ALG11: variants seen among roughly 807,000 people sequenced by gnomAD.
ALG11 encodes the protein GDP-Man:Man(3)GlcNAc(2)-PP-Dol alpha-1,2-mannosyltransferase.
A neutral mutation model predicts 38.8 loss-of-function variants in ALG11; 26 were observed. The ratio of observed to expected loss-of-function variants is 0.67; its 90% CI spans 0.49 to 0.93. The LOEUF (loss-of-function observed/expected upper bound fraction) is 0.93, where lower values mean the gene tolerates loss of function less well. ALG11 is among the 40% of genes least tolerant of loss of function. The probability of loss-of-function intolerance (pLI) is 0.00; values close to 1 mark genes in which losing one functional copy is unlikely to be tolerated. For missense variants in ALG11, 535 were observed against 578.8 expected, an observed-to-expected ratio of 0.92 and a Z score of 0.78; for synonymous variants, 199 against 211.6, an observed-to-expected ratio of 0.94 and a Z score of 0.52.
chr13:52,027,185 T>G (rs905244902), intron 3 of ALG11, among the ~76,000 whole-genome samples: 3 of 152,010 alleles, frequency 2.0e-5, no homozygotes, highest in African/African-American at 7.3e-5. Flanking sequence ...AGTCAAGCAC[T>G]CAGAAGTGAA....
At chr13:52,019,239 T>TG (rs1491225887) in intron 2 of ALG11, 96 bp downstream of exon 2, 33 of 997,646 alleles carry the variant, frequency 3.3e-5, no homozygotes, top group African/African-American at 1.7e-5. Context: ...TTTTTTTTTT[T>TG]GAGACAGAGT....
intron 2 of ALG11, among the ~76,000 whole-genome samples, chr13:52,020,363 T>C (rs1954174121): frequency 6.6e-6 from 1 of 152,178 alleles, no homozygotes; most frequent in Non-Finnish European, 1.5e-5. Flanking sequence ...GTTACCCTAC[T>C]TCCTGGTACA....
chr13:52,031,341 C>T lies in ALG11; in HGVS notation c.*2751C>T. On this transcript the variant is annotated 3_prime_UTR_variant, in exon 4 of 4. Coordinates refer to ENST00000521508, the MANE Select transcript of ALG11 (RefSeq NM_001004127.3). Reference sequence around the variant, plus strand: ...AAATTCTAAACAATACAGTGGATGACCCTTTTGAATATACCTAATGATTTC... The same window carrying T: ...AAATTCTAAACAATACAGTGGATGATCCTTTTGAATATACCTAATGATTTC... The T allele has an allele frequency of 1.7e-6, 1 of 588,842 alleles. No homozygotes were observed. 36.5% of individuals were successfully genotyped at this position (588,842 alleles called of 1,614,324 possible).
chr13:52,029,348 C>A lies in ALG11; in HGVS notation c.*758C>A. 6.2e-7 allele frequency: 1 copy of A among 1,614,112 alleles called. No homozygotes were observed. Among genetic ancestry groups the A allele is most frequent in the Non-Finnish European group, 8.5e-7 (1 of 1,180,014 alleles). Reference sequence around the variant, plus strand: ...GCTCAGTGGCTGGAAGGCAAGAACTCCCCTGGAGCAGGAAATTTTTAACCT... The same window carrying A: ...GCTCAGTGGCTGGAAGGCAAGAACTACCCTGGAGCAGGAAATTTTTAACCT... On this transcript the variant is annotated 3_prime_UTR_variant, in exon 4 of 4. Coordinates refer to ENST00000521508, the MANE Select transcript of ALG11 (RefSeq NM_001004127.3).
At position 52,024,637 on chromosome 13, in the gene ALG11, C is replaced by T. The variant is rs748980888; in HGVS notation, c.907C>T (p.Leu303=). The T allele has an allele frequency of 3.1e-6, 5 of 1,613,820 alleles. No homozygotes were observed. The highest frequency in any genetic ancestry group is 4.2e-6 in the Non-Finnish European group (5 of 1,179,742). Residue 303 remains leucine, a synonymous_variant, in exon 3 of 4, where the codon CTG becomes TTG. Coordinates refer to ENST00000521508, the MANE Select transcript of ALG11 (RefSeq NM_001004127.3). ...HEKKMTPGHL[L]VSVGQFRPEK... ...GAAAAAGATGACCCCAGGACATTTGCTGGTTTCTGTTGGCCAGTTTAGGCC... is the reference window on the plus strand; with the variant it reads ...GAAAAAGATGACCCCAGGACATTTGTTGGTTTCTGTTGGCCAGTTTAGGCC...
intron 1 of ALG11, among the ~76,000 whole-genome samples, chr13:52,014,735 A>C (rs1331575053): frequency 6.6e-6 from 1 of 152,090 alleles, no homozygotes; most frequent in Non-Finnish European, 1.5e-5. Flanking sequence ...CTGGCATCTA[A>C]GTGGGTCAAG....
Position 52,028,921 on chromosome 13 carries a change from G to A in ALG11, c.*331G>A, listed in dbSNP as rs371266719. 12 of 1,614,244 alleles carry A rather than the reference G, an allele frequency of 7.4e-6. No individual in the cohort carries two copies. The highest frequency in any genetic ancestry group is 3.3e-4 in the Middle Eastern group (2 of 6,062). On this transcript the variant is annotated 3_prime_UTR_variant, in exon 4 of 4. Transcript: ENST00000521508. ...AAGATGAGGGGGACAGTGATGGAGA[G>A]AGAAAGCATCAAAAGCTTCTGGAAG...
chr13:52,028,511 C>G lies in ALG11; in HGVS notation c.1400C>G (p.Ala467Gly). 6.2e-7 allele frequency: 1 copy of G among 1,614,150 alleles called. No homozygotes were observed. The highest frequency in any genetic ancestry group is 8.5e-7 in the Non-Finnish European group (1 of 1,179,996). ...AAGAGACTCCAAATCAGAAAAAGTG[C>G]TCGTGCATCTGTAAGCAGATTCTCT... The part of the protein sequence containing the change: ...AEKRLQIRKS[A>G]RASVSRFSDQ... The change falls in exon 4 of 4, where the codon GCT becomes GGT. Residue 467 changes from alanine (A) to glycine (G), a missense_variant. Physicochemically the swap from Ala to Gly is moderately conservative, Grantham distance 60. Coordinates refer to ENST00000521508, the MANE Select transcript of ALG11 (RefSeq NM_001004127.3).
At chr13:52,017,236 T>A (rs1476865124) in intron 1 of ALG11, 1 of 152,274 alleles carries the variant, frequency 6.6e-6, no homozygotes, top group Non-Finnish European at 1.5e-5. Flanking sequence ...TAGCTTACTT[T>A]TGATTTTACA....
intron 3 of ALG11, among the ~76,000 whole-genome samples, chr13:52,025,777 G>A (rs998423659): frequency 6.6e-6 from 1 of 152,220 alleles, no homozygotes; most frequent in African/African-American, 2.4e-5. Flanking sequence ...CACACTGTTA[G>A]TTGTTAGGGG....
At chr13:52,026,060 A>G (rs1954237309) in intron 3 of ALG11, among the ~76,000 whole-genome samples, 1 of 152,224 alleles carries the variant, frequency 6.6e-6, no homozygotes, top group Admixed American at 6.5e-5. Flanking sequence ...TGGTGGTACC[A>G]ACAGGCTACA....
In ALG11 at chr13:52,029,628, C is replaced by T; in HGVS notation, c.*1038C>T. On this transcript the variant is annotated 3_prime_UTR_variant, in exon 4 of 4. Coordinates refer to ENST00000521508, the MANE Select transcript of ALG11 (RefSeq NM_001004127.3). ...TTTGAGCAGCTACAGAAGGTTAATC[C>T]AACTGTGGCACTGGAAGAAATGGAA... 2 of 1,614,160 alleles carry T rather than the reference C, an allele frequency of 1.2e-6. No homozygotes were observed. The highest frequency in any genetic ancestry group is 1.7e-6 in the Non-Finnish European group (2 of 1,180,024).
In ALG11 at chr13:52,030,157, C is replaced by T. The variant is rs1954284373; in HGVS notation, c.*1567C>T. 6.2e-7 allele frequency: 1 copy of T among 1,614,126 alleles called. No individual in the cohort carries two copies. The highest frequency in any genetic ancestry group is 8.5e-7 in the Non-Finnish European group (1 of 1,180,002). On this transcript the variant is annotated 3_prime_UTR_variant, in exon 4 of 4. Coordinates refer to ENST00000521508, the MANE Select transcript of ALG11 (RefSeq NM_001004127.3). ...GTCAAGAAACAAAAGATTCTAGCAG[C>T]CAGGAGGTGCTGTCCGAATTGAGGG...
At chr13:52,016,152 A>G (rs560660827) in intron 1 of ALG11, 3 of 152,394 alleles carry the variant, frequency 2.0e-5, no homozygotes, top group Non-Finnish European at 4.4e-5. Context: ...GATTTGTGGA[A>G]CTTTGAACTT....
At position 52,031,068 on chromosome 13, in the gene ALG11, G is replaced by A. The variant is rs996771688; in HGVS notation, c.*2478G>A. ...CCTGTCATACAGAGGAATCCAAAAC[G>A]AATCACCACACGTCACAATAAAGAA... On this transcript the variant is annotated 3_prime_UTR_variant, in exon 4 of 4. Coordinates refer to ENST00000521508, the MANE Select transcript of ALG11 (RefSeq NM_001004127.3). 9.3e-6 allele frequency: 15 copies of A among 1,613,802 alleles called. No homozygotes were observed. Among genetic ancestry groups the A allele is most frequent in the Non-Finnish European group, 1.3e-5 (15 of 1,179,918 alleles).
chr13:52,017,386 T>G (rs1462273849), intron 1 of ALG11: 1 of 152,200 alleles, frequency 6.6e-6, no homozygotes, highest in Admixed American at 6.5e-5. Flanking sequence ...GACGTGAGAT[T>G]TGGAGGGGCC....
At position 52,028,488 on chromosome 13, in the gene ALG11, G is replaced by C; in HGVS notation, c.1377G>C (p.Lys459Asn). 1.2e-6 allele frequency: 2 copies of C among 1,614,186 alleles called. No individual in the cohort carries two copies. The highest frequency in any genetic ancestry group is 1.1e-5 in the South Asian group (1 of 91,090). ...ACATTCTTTCCATGTCTGCAGAAAA[G>C]AGACTCCAAATCAGAAAAAGTGCTC... ...IAHILSMSAE[K>N]RLQIRKSARA... The change falls in exon 4 of 4, where the codon AAG becomes AAC. Residue 459 changes from lysine to asparagine, a missense_variant. Physicochemically the swap from Lys to Asn is moderately conservative, Grantham distance 94. Transcript: ENST00000521508.
At chr13:52,027,484 T>A (rs1954252581) in intron 3 of ALG11, among the ~76,000 whole-genome samples, 1 of 152,228 alleles carries the variant, frequency 6.6e-6, no homozygotes, top group South Asian at 2.1e-4. Flanking sequence ...TTGGAATGAT[T>A]TAATTTCTCT....
chr13:52,025,336 A>G (rs1438722070), intron 3 of ALG11, among the ~76,000 whole-genome samples: 1 of 152,234 alleles, frequency 6.6e-6, no homozygotes, highest in Non-Finnish European at 1.5e-5. Context: ...TCTTAACAGC[A>G]ACATTTTCTC....
Sources: gnomAD v4.1 joint callset for allele counts (sites outside exome capture counted in the v4.1 genomes callset) on GRCh38, gnomAD v4.1.1 for gene constraint, MANE v1.5 for transcripts, NCBI Gene and HGNC (gene_info 2026-07-23, HGNC 2026-07-21) for gene names.